Variants in THBS4 observed in about 807,000 individuals in gnomAD.
THBS4 encodes the protein thrombospondin-4.
A neutral mutation model predicts 115.7 loss-of-function variants in THBS4; 90 were observed. The ratio of observed to expected loss-of-function variants is 0.78; its 90% CI spans 0.66 to 0.93. The LOEUF (loss-of-function observed/expected upper bound fraction) is 0.93. Ranked by LOEUF, THBS4 falls within the 40% of genes least tolerant of loss-of-function variation. The pLI, the probability that THBS4 is intolerant of heterozygous loss-of-function variation, is 0.00. For synonymous variants in THBS4, 460 were observed against 479.3 expected (o/e 0.96, Z 0.53); for missense variants, 1,087 against 1,232.7 (o/e 0.88, Z 1.77).
intron 2 of THBS4, among the ~76,000 whole-genome samples, chr5:80,021,639 C>T (rs1832379730): frequency 6.6e-6 from 1 of 152,068 alleles, no homozygotes; most frequent in African/African-American, 2.4e-5. Flanking sequence ...CTACATGCGC[C>T]ACTACATCCA....
At chr5:80,062,989 A>T (rs1379437454) in intron 8 of THBS4, among the ~76,000 whole-genome samples, 5 of 152,254 alleles carry the variant, frequency 3.3e-5, no homozygotes, top group African/African-American at 1.2e-4. Context: ...GTGCCACAAT[A>T]AATATACGTG....
chr5:80,001,850 G>C (rs528196808), intron 2 of THBS4, among the ~76,000 whole-genome samples: 1 of 152,270 alleles, frequency 6.6e-6, no homozygotes, highest in Non-Finnish European at 1.5e-5. Flanking sequence ...GTTTCAAAAA[G>C]TGATTACATG....
At chr5:80,060,851 A>G (rs535926950) in intron 7 of THBS4, among the ~76,000 whole-genome samples, 42 of 152,340 alleles carry the variant, frequency 2.8e-4, no homozygotes, top group African/African-American at 9.4e-4. Flanking sequence ...TGTGCCTTCA[A>G]TGTGCCTTTC....
intron 8 of THBS4, among the ~76,000 whole-genome samples, chr5:80,064,044 A>C (rs746787138): frequency 2.0e-5 from 3 of 152,180 alleles, no homozygotes; most frequent in Non-Finnish European, 4.4e-5. Flanking sequence ...GGAAAGGCCT[A>C]ACACCCCTGC....
intron 2 of THBS4, among the ~76,000 whole-genome samples, chr5:80,049,571 A>G (rs1003879735): frequency 2.6e-5 from 4 of 152,246 alleles, no homozygotes; most frequent in African/African-American, 4.8e-5. Flanking sequence ...CATTTTAAAA[A>G]AGACATAATT....
chr5:80,035,663 C>T lies in THBS4; in HGVS notation c.88+38C>T, dbSNP rs911840148. The T allele has an allele frequency of 1.2e-5, 15 of 1,283,552 alleles. No homozygotes were observed. The highest frequency in any genetic ancestry group is 1.5e-5 in the Non-Finnish European group (15 of 1,006,938). The allele number at this position is 1,283,552 out of a possible 1,614,324, so 79.5% of individuals were successfully genotyped here. A position where few individuals can be genotyped will look rare whatever the true frequency, so the allele number is the denominator to read the frequency against. The stretch of plus-strand genomic sequence containing the variant: ...GGGTCGGGCCTGGGAGCGCCGGGCA[C>T]CGGGTGCCCCATCTGCTGAGTGAGT... On this transcript the variant is annotated intron_variant, in intron 1 of 21. Coordinates refer to ENST00000350881, the MANE Select transcript of THBS4 (RefSeq NM_003248.6). The surrounding 1 kb of genome is among the most constrained non-coding windows in gnomAD (Gnocchi z 4.6).
At chr5:80,018,408 T>C (rs1217119635) in intron 2 of THBS4, among the ~76,000 whole-genome samples, 1 of 148,916 alleles carries the variant, frequency 6.7e-6, no homozygotes, top group East Asian at 1.9e-4. Context: ...TTTTTTTTTT[T>C]TTTGAGACAG....
intron 2 of THBS4, among the ~76,000 whole-genome samples, chr5:80,003,655 T>A (rs951315922): frequency 3.3e-5 from 5 of 151,984 alleles, no homozygotes; most frequent in Non-Finnish European, 5.9e-5. Context: ...AAACAATGAG[T>A]ATATATGTAT....
chr5:80,069,824 G>A (rs1389982488), intron 10 of THBS4, among the ~76,000 whole-genome samples: 1 of 152,224 alleles, frequency 6.6e-6, no homozygotes, highest in African/African-American at 2.4e-5. Context: ...ACAGATGATT[G>A]AGAATAAGCA....
At chr5:80,056,608 C>T (rs1169259681) in intron 3 of THBS4, among the ~76,000 whole-genome samples, 1 of 152,156 alleles carries the variant, frequency 6.6e-6, no homozygotes, top group African/African-American at 2.4e-5. Flanking sequence ...TGTCATTGCA[C>T]CTGCTGTAGA....
chr5:80,080,577 A>ATATTTTTTTTTTT (rs1743442985), intron 20 of THBS4, among the ~76,000 whole-genome samples: 1 of 66,824 alleles, frequency 1.5e-5, no homozygotes, highest in Non-Finnish European at 3.0e-5. Context: ...CAGCGCTTGT[A>ATATTTTTTTTTTT]TCTTTTTTTT....
chr5:80,067,733 C>T, intron 9 of THBS4: 1 of 453,614 alleles, frequency 2.2e-6, no homozygotes, highest in Admixed American at 3.7e-5. Flanking sequence ...ACAGTCCAGC[C>T]TTCTTCCTTC....
At chr5:80,034,996 A>G (rs143032034), upstream of THBS4, among the ~76,000 whole-genome samples, 1,903 of 152,244 alleles carry the variant, frequency 0.012, 46 homozygotes, top group African/African-American at 0.044. Flanking sequence ...AGGGGACTGA[A>G]GGTGCCCAAA....
Position 80,078,903 on chromosome 5 carries a change from C to A in THBS4, c.2266-18C>A. 6.2e-7 allele frequency: 1 copy of A among 1,613,052 alleles called. No homozygotes were observed. Among genetic ancestry groups the A allele is most frequent in the South Asian group, 1.1e-5 (1 of 90,992 alleles). On this transcript the variant is annotated intron_variant, in intron 17 of 21. Transcript: ENST00000350881. ...GCCCCTTCAAGACTGTTCTGAACTC[C>A]CTCAACTCTCTCTGCAGGGCATGGA...
intron 2 of THBS4, among the ~76,000 whole-genome samples, chr5:80,000,572 A>G (rs893479862): frequency 2.0e-5 from 3 of 152,232 alleles, no homozygotes; most frequent in Non-Finnish European, 1.5e-5. Flanking sequence ...TCTCATTTCC[A>G]TCCTAGGGAT....
At chr5:80,009,388 C>T (rs1832078037) in intron 2 of THBS4, among the ~76,000 whole-genome samples, 2 of 152,150 alleles carry the variant, frequency 1.3e-5, no homozygotes, top group Admixed American at 1.3e-4. Flanking sequence ...AAGTGTTGTT[C>T]CTTCTATTTT....
At chr5:79,994,028 G>C (rs1036691426) in intron 1 of THBS4, among the ~76,000 whole-genome samples, 4 of 152,178 alleles carry the variant, frequency 2.6e-5, no homozygotes, top group Non-Finnish European at 5.9e-5. Flanking sequence ...ATTTTACATT[G>C]ATACCTCTGC....
Position 80,035,553 on chromosome 5 carries a change from G to C in THBS4, c.16G>C (p.Gly6Arg). 1 of 1,413,472 alleles carries C rather than the reference G, an allele frequency of 7.1e-7. No homozygotes were observed. The allele number at this position is 1,413,472 out of a possible 1,614,324, so 87.6% of individuals were successfully genotyped here. ...AAGAGCCAACATGCTGGCCCCGCGCGGAGCCGCCGTCCTCCTGCTGCACCT... is the reference window on the plus strand; with the variant it reads ...AAGAGCCAACATGCTGGCCCCGCGCCGAGCCGCCGTCCTCCTGCTGCACCT... MLAPR[G>R]AAVLLLHLVL... is the part of the protein sequence containing the mutation. Residue 6 changes from glycine to arginine, a missense_variant, in exon 1 of 22, where the codon GGA (glycine) becomes CGA (arginine). Coordinates refer to ENST00000350881, the MANE Select transcript of THBS4 (RefSeq NM_003248.6). The surrounding 1 kb of genome is among the most constrained non-coding windows in gnomAD (Gnocchi z 4.6).
intron 8 of THBS4, among the ~76,000 whole-genome samples, chr5:80,062,216 G>A (rs985493377): frequency 5.3e-5 from 8 of 152,262 alleles, no homozygotes; most frequent in African/African-American, 1.9e-4. Flanking sequence ...GTTGCCAATC[G>A]AAGCTGTTTC....
Sources: gnomAD v4.1 joint callset for allele counts (sites outside exome capture counted in the v4.1 genomes callset) on GRCh38, gnomAD v4.1.1 for gene constraint, Gnocchi (gnomAD v3.1) non-coding constraint, MANE v1.5 for transcripts, NCBI Gene and HGNC (gene_info 2026-07-23, HGNC 2026-07-21) for gene names.